PTPRM: variants seen among roughly 807,000 people sequenced by gnomAD.
PTPRM encodes receptor-type tyrosine-protein phosphatase mu.
PTPRM carries 47 observed loss-of-function variants against 186.7 expected under a neutral mutation model. The observed-to-expected ratio is 0.25, with a 90% CI of 0.20 to 0.32. PTPRM has a LOEUF of 0.32. Ranked by LOEUF, PTPRM falls within the 10% of genes least tolerant of loss-of-function variation. PTPRM has a pLI of 1.00. For synonymous variants in PTPRM, 668 were observed against 674.9 expected (o/e 0.99, Z 0.16); for missense variants, 1,494 against 1,865.0 (o/e 0.80, Z 3.66).
chr18:7,856,111 G>A (rs1251908652), intron 2 of PTPRM, among the ~76,000 whole-genome samples: 1 of 152,056 alleles, frequency 6.6e-6, no homozygotes, highest in African/African-American at 2.4e-5. Context: ...AGCCATATCT[G>A]ATTTGTAATT....
At chr18:8,110,053 G>A (rs560207637) in intron 11 of PTPRM, among the ~76,000 whole-genome samples, 7 of 152,132 alleles carry the variant, frequency 4.6e-5, no homozygotes, top group East Asian at 3.9e-4. Context: ...TGTGACTATC[G>A]GTGTGCTTCC....
At chr18:7,684,259 G>T (rs2039545400) in intron 1 of PTPRM, among the ~76,000 whole-genome samples, 1 of 151,680 alleles carries the variant, frequency 6.6e-6, no homozygotes, top group South Asian at 2.1e-4. Context: ...ATACACCACT[G>T]CACTCTAGCC....
chr18:8,209,595 A>T (rs1245058863), intron 14 of PTPRM, among the ~76,000 whole-genome samples: 1 of 152,164 alleles, frequency 6.6e-6, no homozygotes, highest in Non-Finnish European at 1.5e-5. Flanking sequence ...CCCCAAAAAG[A>T]TGTTGAAGTC....
At chr18:8,198,714 G>A (rs1293919760) in intron 14 of PTPRM, among the ~76,000 whole-genome samples, 1 of 151,982 alleles carries the variant, frequency 6.6e-6, no homozygotes, top group African/African-American at 2.4e-5. Flanking sequence ...TACCCTTTTG[G>A]CTACAACCAG....
intron 14 of PTPRM, among the ~76,000 whole-genome samples, chr18:8,190,601 T>C (rs1263688584): frequency 5.9e-5 from 9 of 152,258 alleles, no homozygotes; most frequent in Admixed American, 6.5e-5. Flanking sequence ...ATTTAAATAT[T>C]GTATGTTTTA....
intron 28 of PTPRM, among the ~76,000 whole-genome samples, chr18:8,379,735 A>G (rs1438627246): frequency 6.6e-6 from 1 of 152,238 alleles, no homozygotes; most frequent in East Asian, 1.9e-4. Flanking sequence ...ACTTCCTGCC[A>G]GTCTGTTTTC....
chr18:8,239,039 C>T (rs1297101993), intron 14 of PTPRM, among the ~76,000 whole-genome samples: 1 of 149,194 alleles, frequency 6.7e-6, no homozygotes, highest in Non-Finnish European at 1.5e-5. Context: ...TACATGTGCA[C>T]AATGTGCAGG....
At chr18:8,004,308 C>T (rs543620028) in intron 7 of PTPRM, among the ~76,000 whole-genome samples, 2 of 152,054 alleles carry the variant, frequency 1.3e-5, no homozygotes, top group East Asian at 3.9e-4. Context: ...GTGGATCTAG[C>T]CTATGTTTTT....
rs118053116 is a variant in PTPRM, at chr18:7,811,240, G to C, written c.196+36969G>C. Among the ~76,000 whole-genome samples, 80 of 152,288 alleles carry C rather than the reference G, an allele frequency of 5.3e-4. 1 individual carries two copies. The highest frequency in any genetic ancestry group is 4.8e-3 in the East Asian group (25 of 5,176). The stretch of plus-strand genomic sequence containing the variant: ...TTTCCATCAGAGACACCCTTTTACT[G>C]AGCACAGTGAATATTTCTGTGATAT... On this transcript the variant is annotated intron_variant, in intron 2 of 32. Coordinates refer to ENST00000580170, the MANE Select transcript of PTPRM (RefSeq NM_001105244.2).
chr18:7,761,167 C>T lies in PTPRM; in HGVS notation c.74-12982C>T, dbSNP rs180854259. Among the ~76,000 whole-genome samples, 3 of 152,280 alleles carry T rather than the reference C, an allele frequency of 2.0e-5. No individual in the cohort carries two copies. In the East Asian group the frequency reaches 5.8e-4, roughly 29 times the overall value. On this transcript the variant is annotated intron_variant, in intron 1 of 32. Coordinates refer to ENST00000580170, the MANE Select transcript of PTPRM (RefSeq NM_001105244.2). ...AGGATGGGAAGGAAAGCTGATTCAT[C>T]ACAGTTTTTTGTGCTAAGTATTGCT...
In PTPRM at chr18:8,370,140, G is replaced by T. The variant is rs546584104; in HGVS notation, c.3055-750G>T. Among the ~76,000 whole-genome samples, 3 of 148,302 alleles carry T rather than the reference G, an allele frequency of 2.0e-5. 1 individual carries two copies. The highest frequency in any genetic ancestry group is 4.2e-4 in the South Asian group (2 of 4,706). ...TGAGGTGGTCACGTGTTCCTGCCCAGCCTCTGGTCCTGCTCTCCTCTCGTT... is the reference window on the plus strand; with the variant it reads ...TGAGGTGGTCACGTGTTCCTGCCCATCCTCTGGTCCTGCTCTCCTCTCGTT... On this transcript the variant is annotated intron_variant, in intron 23 of 32. Transcript: ENST00000580170.
chr18:7,813,919 T>G (rs981040991), intron 2 of PTPRM, among the ~76,000 whole-genome samples: 1 of 152,210 alleles, frequency 6.6e-6, no homozygotes, highest in Non-Finnish European at 1.5e-5. Flanking sequence ...CAGATCACCT[T>G]TAAAAAATTA....
chr18:8,208,620 T>C (rs2146930678), intron 14 of PTPRM, among the ~76,000 whole-genome samples: 1 of 152,134 alleles, frequency 6.6e-6, no homozygotes, highest in South Asian at 2.1e-4. Context: ...CAAGTGATCC[T>C]CCCATCTCAG....
chr18:8,154,956 T>C (rs1471429175), intron 14 of PTPRM: 2 of 152,244 alleles, frequency 1.3e-5, no homozygotes, highest in Non-Finnish European at 2.9e-5. Flanking sequence ...CAATTTTTTA[T>C]TTTCCGTCCC....
At chr18:8,320,454 G>A (rs952436255) in intron 22 of PTPRM, among the ~76,000 whole-genome samples, 3 of 152,194 alleles carry the variant, frequency 2.0e-5, no homozygotes, top group Non-Finnish European at 4.4e-5. Context: ...CTGCAGTGGT[G>A]GGAATGCTCT....
chr18:8,075,428 A>C (rs1462678712), intron 8 of PTPRM, among the ~76,000 whole-genome samples: 1 of 152,256 alleles, frequency 6.6e-6, no homozygotes, highest in African/African-American at 2.4e-5. Flanking sequence ...AAATGTGATC[A>C]TGTGCCCCAA....
intron 22 of PTPRM, among the ~76,000 whole-genome samples, chr18:8,321,786 T>C (rs538105738): frequency 1.3e-5 from 2 of 152,274 alleles, no homozygotes; most frequent in South Asian, 4.2e-4. Context: ...TAATCTAACA[T>C]GCAGTCAAGA....
At chr18:8,171,088 A>T (rs531159411) in intron 14 of PTPRM, among the ~76,000 whole-genome samples, 1 of 152,340 alleles carries the variant, frequency 6.6e-6, no homozygotes, top group African/African-American at 2.4e-5. Context: ...CTAAAAACTG[A>T]AATATTCCCA....
At chr18:8,258,485 C>A (rs906149140) in intron 19 of PTPRM, among the ~76,000 whole-genome samples, 2 of 152,076 alleles carry the variant, frequency 1.3e-5, no homozygotes, top group Non-Finnish European at 2.9e-5. Context: ...TCAGGTCCAA[C>A]GTTGTGGTGA....
Sources: allele counts gnomAD v4.1 joint callset (sites outside exome capture counted in the v4.1 genomes callset), GRCh38; gene constraint gnomAD v4.1.1; transcripts MANE v1.5; gene names NCBI Gene and HGNC (gene_info 2026-07-23, HGNC 2026-07-21).